ADA: variants seen among roughly 807,000 people sequenced by gnomAD.
The protein encoded by ADA is adenosine aminohydrolase.
A neutral mutation model predicts 49.0 loss-of-function variants in ADA; 45 were observed. That is an observed-to-expected ratio of 0.92 (90% CI 0.72 to 1.18). The LOEUF is 1.18. Ranked by LOEUF, ADA falls within the 50% of genes most tolerant of loss-of-function variation. The pLI is 0.00. For synonymous variants in ADA, 173 were observed against 184.2 expected (o/e 0.94, Z 0.49); for missense variants, 445 against 472.5 (o/e 0.94, Z 0.54).
At chr20:44,621,965 C>T (rs1012122782) in intron 9 of ADA, among the ~76,000 whole-genome samples, 1 of 152,206 alleles carries the variant, frequency 6.6e-6, no homozygotes, top group Non-Finnish European at 1.5e-5. Context: ...CGAAGCCCCT[C>T]CCCTTCTCAT....
At chr20:44,638,534 G>A (rs756648117) in intron 1 of ADA, among the ~76,000 whole-genome samples, 2 of 152,130 alleles carry the variant, frequency 1.3e-5, no homozygotes, top group Non-Finnish European at 2.9e-5. Flanking sequence ...CCGAGATTAC[G>A]CCACTGCACT....
intron 9 of ADA, 69 bp downstream of exon 9, chr20:44,622,519 C>A (rs941778548): frequency 3.2e-6 from 5 of 1,577,646 alleles, no homozygotes; most frequent in African/African-American, 1.4e-5. Flanking sequence ...GATGCCCAAT[C>A]CCTAAAGTTT....
At position 44,623,024 on chromosome 20, in the gene ADA, C is replaced by T. The variant is rs2065347889; in HGVS notation, c.661G>A (p.Ala221Thr). The change falls in exon 7 of 12, where the codon GCC becomes ACC. Residue 221 changes from alanine to threonine, a missense_variant. Physicochemically the swap from Ala to Thr is moderately conservative, Grantham distance 58 (BLOSUM62 0). Transcript: ENST00000372874. The stretch of plus-strand genomic sequence containing the variant: ...GCCCTCACCTCTTTTACTACTTCGG[C>T]CGAGCCCACCTCCCCGGCGTGGACA... ...RTVHAGEVGS[A>T]EVVKEAVDIL... 6.2e-7 allele frequency: 1 copy of T among 1,614,212 alleles called. No individual in the cohort carries two copies. The highest frequency in any genetic ancestry group is 8.5e-7 in the Non-Finnish European group (1 of 1,180,038).
At chr20:44,633,574 A>C (rs928286575) in intron 2 of ADA, among the ~76,000 whole-genome samples, 1 of 152,154 alleles carries the variant, frequency 6.6e-6, no homozygotes, top group Non-Finnish European at 1.5e-5. Flanking sequence ...TCTTGCTCCA[A>C]CTACAGCACT....
chr20:44,629,132 CCT>C lies in ADA; in HGVS notation c.131_132del (p.Glu44GlyfsTer22). 6.2e-7 allele frequency: 1 copy of C among 1,614,200 alleles called. No homozygotes were observed. Among genetic ancestry groups the C allele is most frequent in the Non-Finnish European group, 8.5e-7 (1 of 1,180,030 alleles). On this transcript the variant is annotated frameshift_variant, in exon 3 of 12. Coordinates refer to ENST00000372874, the MANE Select transcript of ADA (RefSeq NM_000022.4). LOFTEE classifies it high-confidence loss of function. ...RGIALPANTA[E>X]GLLNVIGMDK... Reference sequence around the variant, plus strand: ...TCCATGCCAATGACGTTCAGCAGCCCCTCTGCTGTGTTAGCTGGGAGGGCGAT... The same window carrying C: ...TCCATGCCAATGACGTTCAGCAGCCCCTGCTGTGTTAGCTGGGAGGGCGAT...
chr20:44,627,918 T>G (rs1339143426), intron 3 of ADA, among the ~76,000 whole-genome samples: 1 of 152,180 alleles, frequency 6.6e-6, no homozygotes, highest in East Asian at 1.9e-4. Flanking sequence ...TCAAACTTCA[T>G]AAACCCCACC....
intron 3 of ADA, 115 bp downstream of exon 3, chr20:44,628,932 A>G (rs1158749330): frequency 6.6e-7 from 1 of 1,512,812 alleles, no homozygotes; most frequent in Non-Finnish European, 9.1e-7. Context: ...AATGGTGAGA[A>G]AGACAGCTGT....
intron 2 of ADA, 44 bp from the exon 3 acceptor site, chr20:44,629,213 C>A (rs2065410850): frequency 1.2e-6 from 2 of 1,613,446 alleles, no homozygotes; most frequent in East Asian, 2.2e-5. Context: ...GGGGCAGGAT[C>A]CAGGCAGGCC....
rs2065409585 is a variant in ADA at position 44,629,133 on chromosome 20, C to G, written c.132G>C (p.Glu44Asp). 4 of 1,614,090 alleles carry G rather than the reference C, an allele frequency of 2.5e-6. No homozygotes were observed. ...CCATGCCAATGACGTTCAGCAGCCC[C>G]TCTGCTGTGTTAGCTGGGAGGGCGA... ...RGIALPANTAEGLLNVIGMDK... is the reference protein window; with the variant it reads ...RGIALPANTADGLLNVIGMDK... The change falls in exon 3 of 12, where the codon GAG (glutamate) becomes GAC (aspartate). Residue 44 changes from glutamate (E) to aspartate (D), a missense_variant. Coordinates refer to ENST00000372874, the MANE Select transcript of ADA (RefSeq NM_000022.4).
At chr20:44,645,863 C>T (rs956020001) in intron 1 of ADA, among the ~76,000 whole-genome samples, 1 of 152,116 alleles carries the variant, frequency 6.6e-6, no homozygotes, top group Non-Finnish European at 1.5e-5. Flanking sequence ...AGCTGGTGTC[C>T]AAGTTCAAAT....
At chr20:44,626,680 T>G in intron 3 of ADA, 81 bp from the exon 4 acceptor site, 1 of 1,577,294 alleles carries the variant, frequency 6.3e-7, no homozygotes, top group Non-Finnish European at 8.6e-7. Flanking sequence ...TCCCCAACCC[T>G]TGGCAGATTA....
intron 2 of ADA, among the ~76,000 whole-genome samples, chr20:44,634,908 A>G (rs1313459515): frequency 6.6e-6 from 1 of 152,256 alleles, no homozygotes; most frequent in Non-Finnish European, 1.5e-5. Context: ...ACTGTGACAG[A>G]GAGGCTGAGT....
At position 44,621,136 on chromosome 20, in the gene ADA, T is replaced by G; in HGVS notation, c.857A>C (p.Asp286Ala). 1 of 1,614,186 alleles carries G rather than the reference T, an allele frequency of 6.2e-7. No individual in the cohort carries two copies. The highest frequency in any genetic ancestry group is 8.5e-7 in the Non-Finnish European group (1 of 1,180,028). The change falls in exon 10 of 12, where the codon GAC becomes GCC. Residue 286 changes from aspartate to alanine, a missense_variant. Physicochemically the swap from Asp to Ala is moderately radical, Grantham distance 126. Coordinates refer to ENST00000372874, the MANE Select transcript of ADA (RefSeq NM_000022.4). ...TEHAVIRLKN[D>A]QANYSLNTDD... is the part of the protein sequence containing the mutation. ...TGTGTTGAGCGAGTAGTTAGCCTGGTCATTTTTGAGCCTGCAGAAGAGGGA... is the reference window on the plus strand; with the variant it reads ...TGTGTTGAGCGAGTAGTTAGCCTGGGCATTTTTGAGCCTGCAGAAGAGGGA...
chr20:44,648,508 T>G (rs1286359735), intron 1 of ADA, among the ~76,000 whole-genome samples: 1 of 152,052 alleles, frequency 6.6e-6, no homozygotes, highest in African/African-American at 2.4e-5. Context: ...TGAAGGTTAC[T>G]AGGTGGAGAT....
At chr20:44,648,797 T>C (rs965524911) in intron 1 of ADA, among the ~76,000 whole-genome samples, 7 of 152,082 alleles carry the variant, frequency 4.6e-5, no homozygotes, top group African/African-American at 1.7e-4. Context: ...TAGCATTTCC[T>C]GGGAGCTGGT....
chr20:44,650,653 C>T (rs1330063543), intron 1 of ADA, among the ~76,000 whole-genome samples: 1 of 152,124 alleles, frequency 6.6e-6, no homozygotes, highest in Non-Finnish European at 1.5e-5. Context: ...AGGCTAGTCT[C>T]AAACTCCTGG....
At chr20:44,650,616 G>T (rs531551174) in intron 1 of ADA, among the ~76,000 whole-genome samples, 1 of 151,546 alleles carries the variant, frequency 6.6e-6, no homozygotes, top group South Asian at 2.1e-4. Flanking sequence ...TTATTTTTTG[G>T]AGAGACGGGG....
intron 1 of ADA, among the ~76,000 whole-genome samples, chr20:44,644,923 A>C (rs1306829910): frequency 1.3e-5 from 2 of 152,210 alleles, no homozygotes; most frequent in Non-Finnish European, 2.9e-5. Flanking sequence ...CAGCACACTT[A>C]AACTCGTTTT....
At chr20:44,644,748 C>T (rs578206489) in intron 1 of ADA, among the ~76,000 whole-genome samples, 3 of 152,342 alleles carry the variant, frequency 2.0e-5, no homozygotes, top group African/African-American at 7.2e-5. Context: ...TGCTCAGCCT[C>T]ATCTAGGCTC....
Sources: gnomAD v4.1 joint callset for allele counts (sites outside exome capture counted in the v4.1 genomes callset) on GRCh38, gnomAD v4.1.1 for gene constraint, MANE v1.5 for transcripts, NCBI Gene and HGNC (gene_info 2026-07-23, HGNC 2026-07-21) for gene names.